Variants in PLCB4 observed in about 807,000 individuals in gnomAD.
PLCB4 encodes the protein phospholipase C beta 4.
PLCB4 carries 77 observed loss-of-function variants against 178.8 expected under a neutral mutation model. That is an observed-to-expected ratio of 0.43 (90% CI 0.36 to 0.52). The LOEUF is 0.52. PLCB4 is among the 20% of genes least tolerant of loss of function. PLCB4 has a pLI of 0.00. For missense variants in PLCB4, 1,024 were observed against 1,453.4 expected, an observed-to-expected ratio of 0.70 and a Z score of 4.80; for synonymous variants, 496 against 490.8, an observed-to-expected ratio of 1.01 and a Z score of -0.14.
intron 2 of PLCB4, among the ~76,000 whole-genome samples, chr20:9,215,743 C>T (rs2093723486): frequency 6.6e-6 from 1 of 152,126 alleles, no homozygotes; most frequent in Non-Finnish European, 1.5e-5. Flanking sequence ...GTACTGGTCC[C>T]CTAGAGGGAG....
chr20:9,373,782 C>T (rs1056287620), intron 12 of PLCB4, among the ~76,000 whole-genome samples: 1 of 152,124 alleles, frequency 6.6e-6, no homozygotes, highest in African/African-American at 2.4e-5. Flanking sequence ...AAAATATTTT[C>T]GAACAAAAAA....
chr20:9,211,568 C>T (rs1381224405), intron 2 of PLCB4, among the ~76,000 whole-genome samples: 1 of 152,200 alleles, frequency 6.6e-6, no homozygotes, highest in Non-Finnish European at 1.5e-5. Context: ...TCCTGAATCA[C>T]TTTTATGGAT....
At chr20:9,445,303 T>C (rs923544203) in intron 32 of PLCB4, among the ~76,000 whole-genome samples, 1 of 152,264 alleles carries the variant, frequency 6.6e-6, no homozygotes, top group African/African-American at 2.4e-5. Flanking sequence ...TAATTTATAA[T>C]TTATTAATTT....
intron 28 of PLCB4, among the ~76,000 whole-genome samples, chr20:9,432,320 T>C (rs1489849222): frequency 6.6e-6 from 1 of 152,186 alleles, no homozygotes; most frequent in African/African-American, 2.4e-5. Flanking sequence ...GTAATTAAAG[T>C]ATTATCTGTT....
chr20:9,393,700 A>G (rs189298341), intron 18 of PLCB4, 22 bp downstream of exon 18: 1 of 1,394,956 alleles, frequency 7.2e-7, no homozygotes, highest in Non-Finnish European at 1.0e-6. Flanking sequence ...ACACACATTT[A>G]TAATGGAAGC....
intron 3 of PLCB4, among the ~76,000 whole-genome samples, chr20:9,297,195 G>T (rs1296036764): frequency 1.3e-5 from 2 of 151,788 alleles, no homozygotes; most frequent in Non-Finnish European, 2.9e-5. Context: ...TTTGCTAAAG[G>T]TTGATATATC....
intron 3 of PLCB4, among the ~76,000 whole-genome samples, chr20:9,263,825 G>A (rs560076719): frequency 6.6e-6 from 1 of 152,150 alleles, no homozygotes; most frequent in Non-Finnish European, 1.5e-5. Flanking sequence ...TTGTGTATTG[G>A]TACCAAAGGG....
At chr20:9,314,366 G>A (rs1247946834) in intron 4 of PLCB4, among the ~76,000 whole-genome samples, 1 of 152,116 alleles carries the variant, frequency 6.6e-6, no homozygotes, top group Non-Finnish European at 1.5e-5. Flanking sequence ...TTAATGGACA[G>A]TCAGTCACAC....
intron 3 of PLCB4, among the ~76,000 whole-genome samples, chr20:9,233,445 T>A (rs2093956291): frequency 6.6e-6 from 1 of 152,004 alleles, no homozygotes; most frequent in South Asian, 2.1e-4. Context: ...TAAAAAGAAG[T>A]AAACACGTGA....
At chr20:9,436,971 A>G (rs1253406687) in intron 29 of PLCB4, 31 bp from the exon 30 acceptor site, 2 of 1,608,878 alleles carry the variant, frequency 1.2e-6, no homozygotes, top group Admixed American at 1.7e-5. Context: ...AGTGACATTC[A>G]TTTGGGTCAA....
intron 7 of PLCB4, among the ~76,000 whole-genome samples, chr20:9,351,140 CTTT>C (rs531448471): frequency 2.9e-5 from 4 of 136,914 alleles, no homozygotes; most frequent in African/African-American, 2.7e-5. Context: ...AGAAGTATTT[CTTT>C]TTTTTTTTTT....
intron 3 of PLCB4, among the ~76,000 whole-genome samples, chr20:9,245,928 G>A (rs1431966406): frequency 1.3e-5 from 2 of 151,994 alleles, no homozygotes; most frequent in South Asian, 4.2e-4. Context: ...CACAGCACAC[G>A]GCCAATATCT....
intron 1 of PLCB4, among the ~76,000 whole-genome samples, chr20:9,096,016 T>C (rs1024690910): frequency 1.4e-5 from 2 of 145,750 alleles, no homozygotes; most frequent in Non-Finnish European, 2.9e-5. Flanking sequence ...ACTTTAATTC[T>C]AATTTTGAGC....
intron 2 of PLCB4, among the ~76,000 whole-genome samples, chr20:9,206,299 C>CTTTTTTTTTTTTTTTTT (rs71184138): frequency 3.0e-3 from 292 of 95,946 alleles, no homozygotes; most frequent in Middle Eastern, 6.7e-3. Context: ...TTTCTTTTTT[C>CTTTTTTTTTTTTTTTTT]TTTTTTTTTT....
chr20:9,450,904 C>T (rs1173555953), intron 32 of PLCB4, among the ~76,000 whole-genome samples: 3 of 152,042 alleles, frequency 2.0e-5, no homozygotes, highest in South Asian at 2.1e-4. Context: ...GCGCCTCAGC[C>T]TCCCAAAGTC....
intron 3 of PLCB4, among the ~76,000 whole-genome samples, chr20:9,225,193 A>G (rs1427732988): frequency 6.6e-6 from 1 of 152,258 alleles, no homozygotes; most frequent in Non-Finnish European, 1.5e-5. Context: ...TATATATCAC[A>G]TAGTATATAC....
At chr20:9,303,109 G>A (rs2094724801) in intron 3 of PLCB4, among the ~76,000 whole-genome samples, 1 of 152,004 alleles carries the variant, frequency 6.6e-6, no homozygotes, top group African/African-American at 2.4e-5. Flanking sequence ...GGTTATTAAG[G>A]GGGGTCTGTG....
chr20:9,203,568 A>G (rs1269910106), intron 2 of PLCB4, among the ~76,000 whole-genome samples: 1 of 152,142 alleles, frequency 6.6e-6, no homozygotes, highest in East Asian at 1.9e-4. Flanking sequence ...AATGTAATTG[A>G]GTACTCACTC....
intron 3 of PLCB4, among the ~76,000 whole-genome samples, chr20:9,261,090 T>G (rs1037263740): frequency 1.3e-5 from 2 of 152,112 alleles, no homozygotes; most frequent in Non-Finnish European, 2.9e-5. Flanking sequence ...AAACCACCAG[T>G]CTTCCTCCAG....
Sources: allele counts gnomAD v4.1 joint callset (sites outside exome capture counted in the v4.1 genomes callset), GRCh38; gene constraint gnomAD v4.1.1; transcripts MANE v1.5; gene names NCBI Gene and HGNC (gene_info 2026-07-23, HGNC 2026-07-21).